Variants in GRAMD1C observed in about 807,000 individuals in gnomAD.
The protein encoded by GRAMD1C is GRAM domain containing 1C.
In GRAMD1C, 89 loss-of-function variants were observed where a neutral mutation model predicts 97.8. The ratio of observed to expected loss-of-function variants is 0.91; its 90% CI spans 0.77 to 1.09. GRAMD1C has a LOEUF of 1.09. Among genes scored for constraint, GRAMD1C ranks in the 50% least tolerant of loss-of-function variants. The pLI is 0.00. For synonymous variants in GRAMD1C, 256 were observed against 267.0 expected, an observed-to-expected ratio of 0.96 and a Z score of 0.40; for missense variants, 740 against 766.4, an observed-to-expected ratio of 0.97 and a Z score of 0.41.
In GRAMD1C at chr3:113,934,507, T is replaced by C; in HGVS notation, c.1428T>C (p.Ser476=). ...CTTTAATTGAAAAGAATTCCTGGAG[T>C]TCTTTGGAGGACTATTTCAAACAGC... is the stretch of plus-strand genomic sequence containing the variant. The part of the protein sequence containing the change: ...VKSLIEKNSW[S]SLEDYFKQLE... Residue 476 remains serine (S), a synonymous_variant, in exon 13 of 18, where the codon AGT becomes AGC. Coordinates refer to ENST00000358160, the MANE Select transcript of GRAMD1C (RefSeq NM_017577.5). The C allele has an allele frequency of 1.3e-6, 2 of 1,572,506 alleles. No homozygotes were observed. The highest frequency in any genetic ancestry group is 1.7e-6 in the Non-Finnish European group (2 of 1,149,264).
At chr3:113,938,352 A>G in intron 15 of GRAMD1C, 1 of 401,500 alleles carries the variant, frequency 2.5e-6, no homozygotes, top group Non-Finnish European at 4.4e-6. Context: ...GAGGAAATAC[A>G]AAGTACTCAT....
At chr3:113,876,094 A>G (rs951256483) in intron 4 of GRAMD1C, 71 bp from the exon 5 acceptor site, 4 of 732,598 alleles carry the variant, frequency 5.5e-6, no homozygotes, top group African/African-American at 3.5e-5. Context: ...GATTAGATTG[A>G]TGGGATACTT....
intron 5 of GRAMD1C, among the ~76,000 whole-genome samples, chr3:113,877,627 A>G (rs553335960): frequency 1.3e-5 from 2 of 152,336 alleles, no homozygotes; most frequent in East Asian, 3.9e-4. Context: ...CATGGAAATG[A>G]TGCTCTGCTG....
chr3:113,843,066 T>G (rs1459496689), intron 1 of GRAMD1C, among the ~76,000 whole-genome samples: 1 of 144,220 alleles, frequency 6.9e-6, no homozygotes. Flanking sequence ...TTTTTTTTTT[T>G]TTTTTTTTTG....
At chr3:113,896,030 T>C (rs1019406746) in intron 6 of GRAMD1C, among the ~76,000 whole-genome samples, 2 of 152,184 alleles carry the variant, frequency 1.3e-5, no homozygotes, top group African/African-American at 4.8e-5. Context: ...ATTTCGACAA[T>C]GTAAAGTCCA....
At chr3:113,842,310 C>A (rs369604365) in intron 1 of GRAMD1C, among the ~76,000 whole-genome samples, 6 of 152,196 alleles carry the variant, frequency 3.9e-5, no homozygotes, top group African/African-American at 1.4e-4. Context: ...TTGCCAATTG[C>A]CGCATTTTAG....
At chr3:113,928,812 T>A (rs780294554) in intron 10 of GRAMD1C, among the ~76,000 whole-genome samples, 5 of 152,258 alleles carry the variant, frequency 3.3e-5, no homozygotes, top group Non-Finnish European at 7.3e-5. Flanking sequence ...GTATTCCTTT[T>A]TTAAAGCTGA....
chr3:113,938,244 T>C (rs1225252560), intron 15 of GRAMD1C, 101 bp downstream of exon 15: 3 of 531,848 alleles, frequency 5.6e-6, no homozygotes. Flanking sequence ...TGTGTAGAAA[T>C]TGCCACTATT....
At chr3:113,887,621 T>C (rs1286654392) in intron 6 of GRAMD1C, among the ~76,000 whole-genome samples, 1 of 143,794 alleles carries the variant, frequency 7.0e-6, no homozygotes, top group African/African-American at 2.6e-5. Context: ...GAAAGGAGAA[T>C]GGCGTGAACC....
chr3:113,830,446 G>A (rs1160749551), intron 1 of GRAMD1C, among the ~76,000 whole-genome samples: 1 of 152,140 alleles, frequency 6.6e-6, no homozygotes, highest in Non-Finnish European at 1.5e-5. Flanking sequence ...TTTGGTGGCT[G>A]CTTTTTGTTA....
At chr3:113,829,056 C>A (rs1044224178) in intron 1 of GRAMD1C, among the ~76,000 whole-genome samples, 1 of 152,176 alleles carries the variant, frequency 6.6e-6, no homozygotes, top group Non-Finnish European at 1.5e-5. Flanking sequence ...CAGGGGCAAT[C>A]ATTATTGCCA....
rs1250405246 is a variant in GRAMD1C at position 113,946,451 on chromosome 3, A to T, written c.*973A>T. ...TTCAGGGGCACGTATGTCCCAGTAC[A>T]AGTGTACTGACTATCAAGTTTTAAC... is the stretch of plus-strand genomic sequence containing the variant. On this transcript the variant is annotated 3_prime_UTR_variant, in exon 18 of 18. Transcript: ENST00000358160. 5 of 152,266 alleles carry T rather than the reference A, an allele frequency of 3.3e-5. No individual in the cohort carries two copies. Among genetic ancestry groups the T allele is most frequent in the Non-Finnish European group, 5.9e-5 (4 of 68,046 alleles). The allele number at this position is 152,266 out of a possible 1,614,324, so 9.4% of individuals were successfully genotyped here. A position where few individuals can be genotyped will look rare whatever the true frequency, so the allele number is the denominator to read the frequency against.
At chr3:113,891,845 C>T (rs1462835068) in intron 6 of GRAMD1C, among the ~76,000 whole-genome samples, 2 of 151,870 alleles carry the variant, frequency 1.3e-5, no homozygotes, top group Non-Finnish European at 2.9e-5. Context: ...TGTGACCGTG[C>T]CACTGCACTC....
At chr3:113,914,030 T>TA (rs1436297060) in intron 9 of GRAMD1C, among the ~76,000 whole-genome samples, 4 of 152,188 alleles carry the variant, frequency 2.6e-5, no homozygotes. Flanking sequence ...AATAAATCAA[T>TA]AAAAATATAA....
At chr3:113,936,240 A>G (rs750771242) in intron 13 of GRAMD1C, 26 bp from the exon 14 acceptor site, 10 of 1,382,918 alleles carry the variant, frequency 7.2e-6, no homozygotes, top group East Asian at 2.3e-5. Flanking sequence ...TCCTCACTAT[A>G]TAAAGATTGT....
chr3:113,867,417 C>G (rs1181997357), intron 2 of GRAMD1C, among the ~76,000 whole-genome samples: 1 of 152,068 alleles, frequency 6.6e-6, no homozygotes, highest in Non-Finnish European at 1.5e-5. Context: ...CTCAGCCCCA[C>G]GAGTAGCTGG....
At chr3:113,878,509 A>G (rs1935135748) in intron 5 of GRAMD1C, among the ~76,000 whole-genome samples, 1 of 152,210 alleles carries the variant, frequency 6.6e-6, no homozygotes, top group African/African-American at 2.4e-5. Context: ...CATTAAATGT[A>G]TATAATCACA....
chr3:113,913,102 C>T, intron 9 of GRAMD1C: 10 of 1,283,982 alleles, frequency 7.8e-6, no homozygotes, highest in Non-Finnish European at 1.0e-5. Flanking sequence ...TAGTCATACG[C>T]TGTTTACCTG....
At chr3:113,903,133 T>G (rs1289842369) in intron 7 of GRAMD1C, among the ~76,000 whole-genome samples, 1 of 142,914 alleles carries the variant, frequency 7.0e-6, no homozygotes, top group Non-Finnish European at 1.6e-5. Flanking sequence ...CCCAGCTAAT[T>G]TTTGCATTTT....
Sources: allele counts gnomAD v4.1 joint callset (sites outside exome capture counted in the v4.1 genomes callset), GRCh38; gene constraint gnomAD v4.1.1; transcripts MANE v1.5; gene names NCBI Gene and HGNC (gene_info 2026-07-23, HGNC 2026-07-21).